RAB11FIP3: variants seen among roughly 807,000 people sequenced by gnomAD.
RAB11FIP3 encodes RAB11 family interacting protein 3, also known as rab11 family-interacting protein 3.
In RAB11FIP3, 17 loss-of-function variants were observed where a neutral mutation model predicts 77.8. That is an observed-to-expected ratio of 0.22 (90% CI 0.15 to 0.33). RAB11FIP3 has a LOEUF of 0.33. RAB11FIP3 is among the 10% of genes least tolerant of loss of function. RAB11FIP3 has a pLI of 1.00. For missense variants in RAB11FIP3, 1,005 were observed against 1,011.2 expected, an observed-to-expected ratio of 0.99 and a Z score of 0.08; for synonymous variants, 437 against 448.2, an observed-to-expected ratio of 0.98 and a Z score of 0.31.
At chr16:434,786 G>A (rs180837325) in intron 1 of RAB11FIP3, among the ~76,000 whole-genome samples, 5 of 152,190 alleles carry the variant, frequency 3.3e-5, no homozygotes, top group Middle Eastern at 3.4e-3. Flanking sequence ...AAGGATGGCC[G>A]GACGCAGTGG....
chr16:520,369 A>T (rs1248050771), intron 12 of RAB11FIP3, 90 bp from the exon 13 acceptor site: 9 of 1,588,030 alleles, frequency 5.7e-6, no homozygotes, highest in Non-Finnish European at 7.7e-6. Flanking sequence ...TCAGCATCTG[A>T]GCTGGAGGCC....
At chr16:456,978 C>G (rs994198237) in intron 1 of RAB11FIP3, among the ~76,000 whole-genome samples, 1 of 152,052 alleles carries the variant, frequency 6.6e-6, no homozygotes, top group Non-Finnish European at 1.5e-5. Flanking sequence ...CCTGCCCACG[C>G]TGGCCCATGT....
At chr16:491,976 A>G (rs2030240629) in intron 5 of RAB11FIP3, among the ~76,000 whole-genome samples, 1 of 152,096 alleles carries the variant, frequency 6.6e-6, no homozygotes, top group African/African-American at 2.4e-5. Context: ...GAAGAACGGG[A>G]CCTGGCCTGT....
At chr16:436,404 G>A (rs911194475) in intron 1 of RAB11FIP3, among the ~76,000 whole-genome samples, 2 of 152,148 alleles carry the variant, frequency 1.3e-5, no homozygotes, top group African/African-American at 2.4e-5. Flanking sequence ...TCCTGGGGTG[G>A]GTTCAAGGGA....
At chr16:437,332 G>A (rs1373657282) in intron 1 of RAB11FIP3, among the ~76,000 whole-genome samples, 2 of 151,744 alleles carry the variant, frequency 1.3e-5, no homozygotes, top group African/African-American at 4.8e-5. Flanking sequence ...ACTTTGGGAG[G>A]CCGAGGCGGG....
At chr16:488,198 G>A (rs974639689) in intron 4 of RAB11FIP3, among the ~76,000 whole-genome samples, 5 of 152,120 alleles carry the variant, frequency 3.3e-5, no homozygotes, top group Non-Finnish European at 7.4e-5. Context: ...GGCTAACACG[G>A]TGAAACCCCG....
chr16:515,226 A>G (rs952493822), intron 9 of RAB11FIP3, among the ~76,000 whole-genome samples: 2 of 152,232 alleles, frequency 1.3e-5, no homozygotes, highest in Non-Finnish European at 2.9e-5. Flanking sequence ...TAGAATTAAA[A>G]CATAATTTGC....
intron 9 of RAB11FIP3, among the ~76,000 whole-genome samples, chr16:515,742 G>A (rs767885193): frequency 6.9e-6 from 1 of 144,978 alleles, no homozygotes; most frequent in African/African-American, 2.6e-5. Flanking sequence ...CACGTGTTGG[G>A]GTTTGCATCT....
intron 9 of RAB11FIP3, among the ~76,000 whole-genome samples, chr16:515,647 C>T (rs1410310155): frequency 1.2e-4 from 17 of 145,790 alleles, no homozygotes; most frequent in Non-Finnish European, 2.1e-4. Context: ...GCCACACGGG[C>T]GACACACACC....
At chr16:510,354 C>T (rs2032082343) in intron 8 of RAB11FIP3, 4 of 328,298 alleles carry the variant, frequency 1.2e-5, no homozygotes, top group Non-Finnish European at 2.3e-5. Flanking sequence ...CTGGCGGGCT[C>T]AGGCCCTCTG....
intron 1 of RAB11FIP3, among the ~76,000 whole-genome samples, chr16:434,613 G>T (rs1475832548): frequency 1.3e-5 from 2 of 151,690 alleles, no homozygotes; most frequent in African/African-American, 4.8e-5. Flanking sequence ...TTTTTATAGA[G>T]ACAGGGTTTT....
chr16:494,943 A>T (rs1427826867), intron 5 of RAB11FIP3, among the ~76,000 whole-genome samples: 2 of 145,582 alleles, frequency 1.4e-5, no homozygotes, highest in African/African-American at 5.3e-5. Context: ...GGAGGATCAC[A>T]TGAGCCGGGG....
chr16:475,765 C>T (rs768099012), intron 3 of RAB11FIP3, among the ~76,000 whole-genome samples: 12 of 152,164 alleles, frequency 7.9e-5, no homozygotes, highest in Non-Finnish European at 1.3e-4. Context: ...TCACCGAAGC[C>T]GCTGAGGAGT....
At position 471,264 on chromosome 16, in the gene RAB11FIP3, G is replaced by A. The variant is rs1011909537; in HGVS notation, c.809-31G>A. Reference sequence around the variant, plus strand: ...TCCCGTCACTGGGTGGCTATGGGTGGCCTGTTGAGCACGAGGTCTTCTCCC... The same window carrying A: ...TCCCGTCACTGGGTGGCTATGGGTGACCTGTTGAGCACGAGGTCTTCTCCC... On this transcript the variant is annotated intron_variant, in intron 2 of 13. Transcript: ENST00000262305. The surrounding 1 kb of genome is among the most constrained non-coding windows in gnomAD (Gnocchi z 4.4). The A allele has an allele frequency of 6.3e-7, 1 of 1,585,754 alleles. No homozygotes were observed. Among genetic ancestry groups the A allele is most frequent in the Admixed American group, 1.7e-5 (1 of 59,852 alleles).
chr16:456,518 GGC>G (rs2055507048), intron 1 of RAB11FIP3, among the ~76,000 whole-genome samples: 1 of 152,072 alleles, frequency 6.6e-6, no homozygotes, highest in African/African-American at 2.4e-5. Flanking sequence ...CAATTTGGGA[GGC>G]CGAGGTGGGC....
intron 1 of RAB11FIP3, among the ~76,000 whole-genome samples, chr16:427,189 C>T (rs2054962765): frequency 6.6e-6 from 1 of 152,246 alleles, no homozygotes; most frequent in Non-Finnish European, 1.5e-5. Flanking sequence ...TACTGATAGA[C>T]ACCTATTTTG....
intron 6 of RAB11FIP3, among the ~76,000 whole-genome samples, chr16:500,061 G>C (rs534003029): frequency 3.9e-4 from 60 of 152,348 alleles, no homozygotes; most frequent in Admixed American, 9.8e-4. Flanking sequence ...CCCCGGGCCT[G>C]GCTGCATTGC....
intron 1 of RAB11FIP3, among the ~76,000 whole-genome samples, chr16:450,087 T>A (rs1237904416): frequency 1.3e-5 from 2 of 152,174 alleles, no homozygotes; most frequent in Non-Finnish European, 2.9e-5. Context: ...TGGCACACCT[T>A]CCTTGACAAC....
chr16:513,378 C>G (rs554486745), intron 9 of RAB11FIP3, among the ~76,000 whole-genome samples: 2 of 152,204 alleles, frequency 1.3e-5, no homozygotes, highest in African/African-American at 4.8e-5. Flanking sequence ...CTCTATCATA[C>G]CTGGCTAACT....
Sources: gnomAD v4.1 joint callset for allele counts (sites outside exome capture counted in the v4.1 genomes callset) on GRCh38, gnomAD v4.1.1 for gene constraint, Gnocchi (gnomAD v3.1) non-coding constraint, MANE v1.5 for transcripts, NCBI Gene and HGNC (gene_info 2026-07-23, HGNC 2026-07-21) for gene names.